Variants in UNG observed in about 807,000 individuals in gnomAD.
UNG encodes the protein uracil DNA glycosylase.
Under a neutral mutation model 36.5 loss-of-function variants are expected in UNG, and 34 were observed. That is an observed-to-expected ratio of 0.93 (90% CI 0.71 to 1.24). The LOEUF (loss-of-function observed/expected upper bound fraction) is 1.24. Among genes scored for constraint, UNG ranks in the 50% most tolerant of loss-of-function variants. The probability of loss-of-function intolerance (pLI) is 0.00; values close to 1 mark genes in which losing one functional copy is unlikely to be tolerated. For missense variants in UNG, 391 were observed against 397.6 expected (o/e 0.98, Z 0.14); for synonymous variants, 172 against 157.8 (o/e 1.09, Z -0.67).
At chr12:109,102,952 T>C (rs1297717667) in intron 5 of UNG, 25 bp downstream of exon 5, 5 of 1,455,988 alleles carry the variant, frequency 3.4e-6, no homozygotes, top group Non-Finnish European at 4.7e-6. Context: ...GCTAGATTTT[T>C]TTTTTTTTTT....
chr12:109,109,351 GT>G (rs1191866614), intron 6 of UNG, among the ~76,000 whole-genome samples: 1 of 152,110 alleles, frequency 6.6e-6, no homozygotes, highest in Non-Finnish European at 1.5e-5. Flanking sequence ...AAGGTAGGTA[GT>G]TGCTCAACAA....
At chr12:109,099,481 G>A (rs2042160667) in intron 3 of UNG, 197 bp downstream of exon 3, 2 of 594,234 alleles carry the variant, frequency 3.4e-6, no homozygotes, top group Admixed American at 2.9e-5. Flanking sequence ...GTGGCAAAAA[G>A]GAAAACTATG....
At position 109,103,679 on chromosome 12, in the gene UNG, A is replaced by G. The variant is rs1163142256; in HGVS notation, c.801+68A>G. The G allele has an allele frequency of 9.4e-6, 14 of 1,487,168 alleles. No individual in the cohort carries two copies. In the South Asian group the frequency reaches 1.1e-4, roughly 12 times the overall value. The allele number at this position is 1,487,168 out of a possible 1,614,324, so 92.1% of individuals were successfully genotyped here. On this transcript the variant is annotated intron_variant, in intron 6 of 6. Coordinates refer to ENST00000242576, the MANE Select transcript of UNG (RefSeq NM_080911.3). ...CTATAAAAACAATGTAAAGAATTCT[A>G]GGAGTCCCTGCTGTGTTTGGTCCTG... is the stretch of plus-strand genomic sequence containing the variant.
intron 6 of UNG, among the ~76,000 whole-genome samples, chr12:109,108,841 CAGTT>C: frequency 6.6e-6 from 1 of 152,062 alleles, no homozygotes; most frequent in Non-Finnish European, 1.5e-5. Context: ...TATGTTGCCT[CAGTT>C]GGTTGTAAAC....
At chr12:109,103,412 C>T (rs746966263) in intron 5 of UNG, 21 bp from the exon 6 acceptor site, 1 of 1,613,384 alleles carries the variant, frequency 6.2e-7, no homozygotes, top group South Asian at 1.1e-5. Flanking sequence ...TACATTTAAC[C>T]TGTTTCTCTC....
At position 109,101,955 on chromosome 12, in the gene UNG, CG is replaced by C; in HGVS notation, c.492del (p.Leu165SerfsTer26). 1 of 1,614,078 alleles carries C rather than the reference CG, an allele frequency of 6.2e-7. No homozygotes were observed. Among genetic ancestry groups the C allele is most frequent in the Middle Eastern group, 1.7e-4 (1 of 6,020 alleles). On this transcript the variant is annotated frameshift_variant, in exon 4 of 7. Coordinates refer to ENST00000242576, the MANE Select transcript of UNG (RefSeq NM_080911.3). LOFTEE classifies it high-confidence loss of function. ...DPYHGPNQAH[G>X]LCFSVQRPVP... ...CATATCATGGACCTAATCAAGCTCA[CG>C]GGCTCTGCTTTAGTGTTCAAAGGCC...
In UNG at chr12:109,098,437, C is replaced by T; in HGVS notation, c.138C>T (p.Ile46=). ...TCTGCGGGGACCACTTGCAGGCCAT[C>T]CCAGCCAAGAAGGCCCCGGCTGGGC... ...VPEESGDAAA[I]PAKKAPAGQE... is the part of the protein sequence containing the mutation. Residue 46 remains isoleucine (I), a synonymous_variant, in exon 2 of 7, where the codon ATC becomes ATT. Coordinates refer to ENST00000242576, the MANE Select transcript of UNG (RefSeq NM_080911.3). 1 of 1,607,846 alleles carries T rather than the reference C, an allele frequency of 6.2e-7. No homozygotes were observed. The highest frequency in any genetic ancestry group is 8.5e-7 in the Non-Finnish European group (1 of 1,177,326).
chr12:109,101,802 A>T (rs1360893476), intron 3 of UNG, 100 bp from the exon 4 acceptor site: 2 of 1,002,546 alleles, frequency 2.0e-6, no homozygotes, highest in Non-Finnish European at 3.1e-6. Flanking sequence ...AATCTATGCC[A>T]TAGAAGTGTT....
chr12:109,105,730 T>A (rs570061479), intron 6 of UNG, among the ~76,000 whole-genome samples: 1 of 152,340 alleles, frequency 6.6e-6, no homozygotes, highest in East Asian at 1.9e-4. Context: ...GTCCTTTTTT[T>A]CCACCTTCCC....
intron 1 of UNG, 102 bp downstream of exon 1, chr12:109,097,913 C>A: frequency 7.2e-7 from 1 of 1,383,902 alleles, no homozygotes; most frequent in Non-Finnish European, 9.5e-7. Context: ...ACTCGGTAAA[C>A]CCGGGCTCCG....
intron 3 of UNG, 34 bp downstream of exon 3, chr12:109,099,318 A>G (rs746587109): frequency 9.0e-6 from 14 of 1,558,114 alleles, no homozygotes; most frequent in Non-Finnish European, 1.2e-5. Flanking sequence ...TTTATTGGGG[A>G]GAAGGAGTCA....
intron 6 of UNG, among the ~76,000 whole-genome samples, chr12:109,104,457 T>C (rs2042202350): frequency 6.6e-6 from 1 of 152,120 alleles, no homozygotes; most frequent in Non-Finnish European, 1.5e-5. Context: ...CCTCTTTCCC[T>C]TCACTCACTG....
In UNG at chr12:109,101,996, C is replaced by T. The variant is rs1428970462; in HGVS notation, c.530C>T (p.Pro177Leu). Residue 177 changes from proline (P) to leucine (L), a missense_variant, in exon 4 of 7, where the codon CCC (proline) becomes CTC (leucine). Physicochemically the swap from Pro to Leu is moderately conservative, Grantham distance 98 (BLOSUM62 -3). Coordinates refer to ENST00000242576, the MANE Select transcript of UNG (RefSeq NM_080911.3). ...FSVQRPVPPP[P>L]SLENIYKELS... ...GTTCAAAGGCCTGTTCCGCCTCCGC[C>T]CAGGTACAGTTGCTTTACAGGTGAC... The T allele has an allele frequency of 6.2e-7, 1 of 1,613,816 alleles. No homozygotes were observed. Among genetic ancestry groups the T allele is most frequent in the East Asian group, 2.2e-5 (1 of 44,874 alleles).
intron 1 of UNG, 200 bp downstream of exon 1, chr12:109,098,011 C>A: frequency 7.8e-7 from 1 of 1,284,838 alleles, no homozygotes; most frequent in Non-Finnish European, 1.0e-6. Context: ...GGGAACGCGT[C>A]TCGGGGCCCA....
chr12:109,105,815 A>G (rs2042211281), intron 6 of UNG, among the ~76,000 whole-genome samples: 1 of 151,930 alleles, frequency 6.6e-6, no homozygotes, highest in South Asian at 2.1e-4. Flanking sequence ...CTTTGCCTTC[A>G]TTCAGGCCCT....
chr12:109,105,407 T>C lies in UNG; in HGVS notation c.801+1796T>C, dbSNP rs550043063. Among the ~76,000 whole-genome samples, 79 of 152,342 alleles carry C rather than the reference T, an allele frequency of 5.2e-4. No homozygotes were observed. In the Middle Eastern group the frequency reaches 0.024, roughly 46 times the overall value. On this transcript the variant is annotated intron_variant, in intron 6 of 6. Coordinates refer to ENST00000242576, the MANE Select transcript of UNG (RefSeq NM_080911.3). ...GGGAGGTTTACGGCCAGTGTTGCTC[T>C]TCCGCAGTATATTGGTAATCTTTAA... is the stretch of plus-strand genomic sequence containing the variant.
Position 109,110,074 on chromosome 12 carries a change from G to C in UNG, c.*105G>C, listed in dbSNP as rs2042249797. On this transcript the variant is annotated 3_prime_UTR_variant, in exon 7 of 7. Transcript: ENST00000242576. Reference sequence around the variant, plus strand: ...TTAATTCTTAAGTACTCTGCATAAGGGGGAAAAGCTTCCAGAAAGCAGCCA... The same window carrying C: ...TTAATTCTTAAGTACTCTGCATAAGCGGGAAAAGCTTCCAGAAAGCAGCCA... The C allele has an allele frequency of 1.1e-5, 16 of 1,517,332 alleles. No homozygotes were observed. Among genetic ancestry groups the C allele is most frequent in the African/African-American group, 1.4e-5 (1 of 72,948 alleles). The allele number at this position is 1,517,332 out of a possible 1,614,324, so 94.0% of individuals were successfully genotyped here. A position where few individuals can be genotyped will look rare whatever the true frequency, so the allele number is the denominator to read the frequency against.
intron 6 of UNG, among the ~76,000 whole-genome samples, chr12:109,108,554 CCTAGGAGG>C: frequency 3.9e-5 from 6 of 152,070 alleles, no homozygotes; most frequent in African/African-American, 1.4e-4. Context: ...GTAACTTGAG[CCTAGGAGG>C]TGGAGGCTAC....
chr12:109,104,367 C>T (rs1309887135), intron 6 of UNG, among the ~76,000 whole-genome samples: 1 of 151,958 alleles, frequency 6.6e-6, no homozygotes, highest in Non-Finnish European at 1.5e-5. Context: ...TCATTATTAA[C>T]CCCAAGGTCT....
Sources: gnomAD v4.1 joint callset for allele counts (sites outside exome capture counted in the v4.1 genomes callset) on GRCh38, gnomAD v4.1.1 for gene constraint, MANE v1.5 for transcripts, NCBI Gene and HGNC (gene_info 2026-07-23, HGNC 2026-07-21) for gene names.